MPP7: variants seen among roughly 807,000 people sequenced by gnomAD.
MPP7 encodes MAGUK p55 scaffold protein 7.
MPP7 carries 60 observed loss-of-function variants against 76.5 expected under a neutral mutation model. The observed-to-expected ratio is 0.78, with a 90% CI of 0.64 to 0.97. The LOEUF is 0.97. Ranked by LOEUF, MPP7 falls within the 50% of genes least tolerant of loss-of-function variation. The probability of loss-of-function intolerance (pLI) is 0.00; values close to 1 mark genes in which losing one functional copy is unlikely to be tolerated. For missense variants in MPP7, 641 were observed against 694.0 expected (o/e 0.92, Z 0.86); for synonymous variants, 237 against 244.5 (o/e 0.97, Z 0.29).
chr10:28,291,175 A>C (rs1259951129), intron 1 of MPP7, among the ~76,000 whole-genome samples: 1 of 152,242 alleles, frequency 6.6e-6, no homozygotes, highest in African/African-American at 2.4e-5. Flanking sequence ...GCAAATGCCA[A>C]ACATGCAATA....
At chr10:28,215,600 C>G (rs111746807) in intron 2 of MPP7, among the ~76,000 whole-genome samples, 30 of 152,162 alleles carry the variant, frequency 2.0e-4, no homozygotes, top group African/African-American at 5.8e-4. Context: ...GAAAGAGAAC[C>G]GCACTTACAA....
At chr10:28,261,308 C>T (rs556308518) in intron 1 of MPP7, among the ~76,000 whole-genome samples, 1 of 152,300 alleles carries the variant, frequency 6.6e-6, no homozygotes, top group South Asian at 2.1e-4. Flanking sequence ...GGGTGGAACC[C>T]TATGGTGTTT....
chr10:28,119,947 T>C (rs1267631990), intron 10 of MPP7, among the ~76,000 whole-genome samples: 1 of 151,930 alleles, frequency 6.6e-6, no homozygotes, highest in Non-Finnish European at 1.5e-5. Flanking sequence ...ATCAACATGG[T>C]TTCAAGATAT....
chr10:28,057,702 T>A (rs1851616877), intron 15 of MPP7: 3 of 1,272,126 alleles, frequency 2.4e-6, no homozygotes, highest in Non-Finnish European at 3.0e-6. Flanking sequence ...AGTGCCCAAG[T>A]CAGGAGGCAG....
chr10:28,178,919 G>A (rs1836965425), intron 3 of MPP7, among the ~76,000 whole-genome samples: 1 of 152,176 alleles, frequency 6.6e-6, no homozygotes, highest in Admixed American at 6.5e-5. Flanking sequence ...AAAGAGAAAT[G>A]TAGTAAAAGT....
intron 11 of MPP7, chr10:28,118,329 A>C: frequency 1.0e-6 from 1 of 977,114 alleles, no homozygotes; most frequent in Non-Finnish European, 1.2e-6. Flanking sequence ...CAATCAATGA[A>C]AATTTATAAT....
intron 11 of MPP7, among the ~76,000 whole-genome samples, chr10:28,101,385 G>A (rs911625024): frequency 6.6e-6 from 1 of 152,130 alleles, no homozygotes; most frequent in Non-Finnish European, 1.5e-5. Flanking sequence ...CAGATAACTT[G>A]TTGAAGATCA....
intron 11 of MPP7, among the ~76,000 whole-genome samples, chr10:28,110,300 T>C (rs1218612061): frequency 2.0e-5 from 3 of 152,080 alleles, no homozygotes; most frequent in Non-Finnish European, 4.4e-5. Context: ...ATGTTGGCCA[T>C]GCTGGTCTCG....
chr10:28,294,301 C>T (rs1840991541), intron 1 of MPP7, among the ~76,000 whole-genome samples: 1 of 152,140 alleles, frequency 6.6e-6, no homozygotes, highest in South Asian at 2.1e-4. Context: ...AGCAAGACTC[C>T]GTCTCGAGAA....
chr10:28,177,260 CAAAAAAAA>C (rs57984876), intron 3 of MPP7, among the ~76,000 whole-genome samples: 18 of 104,182 alleles, frequency 1.7e-4, no homozygotes, highest in African/African-American at 6.1e-4. Flanking sequence ...ACTAAAAATG[CAAAAAAAA>C]AAAAAAAAAA....
rs1338156148 is a variant in MPP7, at chr10:28,279,704, C to CA, written c.-132+23156dup. On this transcript the variant is annotated intron_variant, in intron 1 of 16. Transcript: ENST00000683449. ...TGGGTGACAGAGCGAGACGCTGTCTCAAAAAAAAAAAAAAAGAACTCCATG... is the reference window on the plus strand; with the variant it reads ...TGGGTGACAGAGCGAGACGCTGTCTCAAAAAAAAAAAAAAAAGAACTCCATG... Among the ~76,000 whole-genome samples, 1,092 of 113,484 alleles carry CA rather than the reference C, an allele frequency of 9.6e-3. 15 individuals are homozygous for CA. Among genetic ancestry groups the CA allele is most frequent in the African/African-American group, 0.028 (843 of 30,626 alleles). 74.4% of individuals were successfully genotyped at this position (113,484 alleles called of 152,430 possible). A position where few individuals can be genotyped will look rare whatever the true frequency, so the allele number is the denominator to read the frequency against.
At chr10:28,067,828 G>T (rs1852052415) in intron 13 of MPP7, among the ~76,000 whole-genome samples, 1 of 152,118 alleles carries the variant, frequency 6.6e-6, no homozygotes, top group Non-Finnish European at 1.5e-5. Context: ...TTAAAGGATT[G>T]CTAGTGTTAA....
At chr10:28,294,115 G>A (rs1427296077) in intron 1 of MPP7, among the ~76,000 whole-genome samples, 3 of 152,154 alleles carry the variant, frequency 2.0e-5, no homozygotes, top group African/African-American at 7.2e-5. Context: ...AGACAATCCT[G>A]GCTAACACAG....
intron 1 of MPP7, among the ~76,000 whole-genome samples, chr10:28,300,012 C>A (rs1841118302): frequency 6.6e-6 from 1 of 152,116 alleles, no homozygotes. Flanking sequence ...TGTGATCCGC[C>A]CGCCTCGGCC....
intron 11 of MPP7, chr10:28,118,652 G>C: frequency 1.0e-6 from 1 of 985,332 alleles, no homozygotes; most frequent in Non-Finnish European, 1.2e-6. Context: ...TCTGTGACAA[G>C]GGTTTTTTTC....
intron 1 of MPP7, among the ~76,000 whole-genome samples, chr10:28,260,457 T>C (rs1180864771): frequency 6.6e-6 from 1 of 152,148 alleles, no homozygotes; most frequent in African/African-American, 2.4e-5. Context: ...CCAGAGACTA[T>C]ATTTAACTAT....
At chr10:28,183,947 G>A (rs1837141603) in intron 3 of MPP7, among the ~76,000 whole-genome samples, 1 of 152,150 alleles carries the variant, frequency 6.6e-6, no homozygotes, top group African/African-American at 2.4e-5. Context: ...TAATGATGGT[G>A]ACTTAATATG....
At chr10:28,320,034 T>C (rs1031186061) in intron 2 of MPP7, among the ~76,000 whole-genome samples, 5 of 152,160 alleles carry the variant, frequency 3.3e-5, no homozygotes, top group African/African-American at 1.2e-4. Flanking sequence ...GGGAAACTGC[T>C]CTATTGAAGT....
intron 2 of MPP7, among the ~76,000 whole-genome samples, chr10:28,213,305 C>A (rs901496740): frequency 6.6e-6 from 1 of 151,974 alleles, no homozygotes; most frequent in Non-Finnish European, 1.5e-5. Context: ...GTCAAGCGCG[C>A]AGGTGGATTA....
Sources: gnomAD v4.1 joint callset for allele counts (sites outside exome capture counted in the v4.1 genomes callset) on GRCh38, gnomAD v4.1.1 for gene constraint, MANE v1.5 for transcripts, NCBI Gene and HGNC (gene_info 2026-07-23, HGNC 2026-07-21) for gene names.